The following PCDHGB3 variants were observed in gnomAD, a reference collection of about 807,000 sequenced individuals.
PCDHGB3 encodes protocadherin gamma subfamily B, 3.
In PCDHGB3, 40 loss-of-function variants were observed where a neutral mutation model predicts 59.2. The ratio of observed to expected loss-of-function variants is 0.68; its 90% CI spans 0.52 to 0.88. The LOEUF (loss-of-function observed/expected upper bound fraction) is 0.88. PCDHGB3 is among the 40% of genes least tolerant of loss of function. The pLI is 0.00. For missense variants in PCDHGB3, 1,309 were observed against 1,187.9 expected (o/e 1.10, Z -1.50); for synonymous variants, 581 against 503.6 (o/e 1.15, Z -2.06).
At chr5:141,459,670 T>A (rs890411975) in intron 1 of PCDHGB3, among the ~76,000 whole-genome samples, 4 of 152,264 alleles carry the variant, frequency 2.6e-5, no homozygotes, top group African/African-American at 9.6e-5. Context: ...TACATTTTCA[T>A]GAGCAATGCA....
At chr5:141,414,699 C>T (rs2095778847) in intron 1 of PCDHGB3, 2 of 1,613,952 alleles carry the variant, frequency 1.2e-6, no homozygotes, top group Non-Finnish European at 1.7e-6. Context: ...TGTCCTCATA[C>T]ATATCCATCA....
Position 141,491,417 on chromosome 5 carries a change from G to A in PCDHGB3, c.2416-3390G>A, listed in dbSNP as rs200843744. 5 of 1,613,988 alleles carry A rather than the reference G, an allele frequency of 3.1e-6. No homozygotes were observed. The highest frequency in any genetic ancestry group is 1.1e-5 in the South Asian group (1 of 91,092). Reference sequence around the variant, plus strand: ...CAGGGAAACGCAGACGGGGACGGGGGTGGAGGGCAGTGCTGCAGGCGCCAG... The same window carrying A: ...CAGGGAAACGCAGACGGGGACGGGGATGGAGGGCAGTGCTGCAGGCGCCAG... On this transcript the variant is annotated intron_variant, in intron 1 of 3. Transcript: ENST00000576222. The surrounding 1 kb of genome is among the most constrained non-coding windows in gnomAD (Gnocchi z 6.9).
At chr5:141,447,650 T>TC (rs1036312126) in intron 1 of PCDHGB3, among the ~76,000 whole-genome samples, 5 of 151,988 alleles carry the variant, frequency 3.3e-5, no homozygotes, top group Non-Finnish European at 5.9e-5. Context: ...GGTAGAATTT[T>TC]CCCCCCCAGG....
rs1022516458 is a variant in PCDHGB3, at chr5:141,476,612, A to G, written c.2416-18195A>G. The G allele has an allele frequency of 1.2e-6, 2 of 1,614,236 alleles. No individual in the cohort carries two copies. The highest frequency in any genetic ancestry group is 2.2e-5 in the South Asian group (2 of 91,080). ...GAGCGCGCACGATCCCGATGTGGGA[A>G]GCAACTCTTTACAAACCTATGAGCT... On this transcript the variant is annotated intron_variant, in intron 1 of 3. Transcript: ENST00000576222. The surrounding 1 kb of genome is among the most constrained non-coding windows in gnomAD (Gnocchi z 7.6).
At chr5:141,409,745 T>C (rs968473065) in intron 1 of PCDHGB3, 8 of 1,613,074 alleles carry the variant, frequency 5.0e-6, no homozygotes, top group Non-Finnish European at 6.8e-6. Context: ...CGGGGTGGTG[T>C]TCGCGCAGCG....
Position 141,491,964 on chromosome 5 carries a change from C to A in PCDHGB3, c.2416-2843C>A. On this transcript the variant is annotated intron_variant, in intron 1 of 3. Transcript: ENST00000576222. The surrounding 1 kb of genome is among the most constrained non-coding windows in gnomAD (Gnocchi z 6.9). ...CCCCACCCCTACACTCAAAAAAGGC[C>A]GGGGCCTCCTTCGAGCTTCCGGTGA... The A allele has an allele frequency of 1.1e-6, 1 of 943,952 alleles. No homozygotes were observed. The highest frequency in any genetic ancestry group is 1.5e-6 in the Non-Finnish European group (1 of 671,094). 58.5% of individuals were successfully genotyped at this position (943,952 alleles called of 1,614,324 possible). A position where few individuals can be genotyped will look rare whatever the true frequency, so the allele number is the denominator to read the frequency against.
rs1384790784 is a variant in PCDHGB3, at chr5:141,431,800, G to T, written c.2415+58991G>T. 1 of 1,614,206 alleles carries T rather than the reference G, an allele frequency of 6.2e-7. No individual in the cohort carries two copies. Among genetic ancestry groups the T allele is most frequent in the African/African-American group, 1.3e-5 (1 of 75,054 alleles). ...ACGTGAACGACAATGCCCCAGAAGT[G>T]GTCCTCACCTCTCTCGCCAGCTCGG... On this transcript the variant is annotated intron_variant, in intron 1 of 3. Transcript: ENST00000576222. This position sits in a 1 kb window ranked among gnomAD's most constrained non-coding sequence, Gnocchi z 4.8.
intron 3 of PCDHGB3, among the ~76,000 whole-genome samples, chr5:141,509,532 A>C (rs2099877210): frequency 6.6e-6 from 1 of 152,124 alleles, no homozygotes; most frequent in African/African-American, 2.4e-5. Flanking sequence ...GCACAGGATG[A>C]AGCACCATCT....
chr5:141,500,104 T>C (rs917633032), intron 2 of PCDHGB3, among the ~76,000 whole-genome samples: 1 of 152,124 alleles, frequency 6.6e-6, no homozygotes, highest in Non-Finnish European at 1.5e-5. Context: ...AATTTATTTG[T>C]TGAATCCCTG....
At chr5:141,448,710 G>T (rs897054829) in intron 1 of PCDHGB3, among the ~76,000 whole-genome samples, 1 of 152,162 alleles carries the variant, frequency 6.6e-6, no homozygotes, top group Non-Finnish European at 1.5e-5. Flanking sequence ...GGAGGCCGAG[G>T]CGGGAGGATC....
intron 1 of PCDHGB3, among the ~76,000 whole-genome samples, chr5:141,386,999 C>T (rs2090777000): frequency 6.6e-6 from 1 of 152,224 alleles, no homozygotes; most frequent in Middle Eastern, 3.4e-3. Context: ...GTATTATCCC[C>T]CTGATAACTT....
chr5:141,452,584 T>C (rs992607928), intron 1 of PCDHGB3, among the ~76,000 whole-genome samples: 1 of 152,182 alleles, frequency 6.6e-6, no homozygotes, highest in Non-Finnish European at 1.5e-5. Context: ...TTTCCATCTT[T>C]GTATTTTTAT....
rs754711722 is a variant in PCDHGB3, at chr5:141,371,108, C to A, written c.714C>A (p.Asn238Lys). Reference sequence around the variant, plus strand: ...TAATTGTCGCAGATGCAAATGATAACCCCCCAGTATTTACTCAGGACATGT... The same window carrying A: ...TAATTGTCGCAGATGCAAATGATAAACCCCCAGTATTTACTCAGGACATGT... ...IRVIVADANDNPPVFTQDMYR... is the reference protein window; with the variant it reads ...IRVIVADANDKPPVFTQDMYR... The change falls in exon 1 of 4, where the codon AAC becomes AAA. Residue 238 changes from asparagine (N) to lysine (K), a missense_variant. Physicochemically the swap from Asn to Lys is moderately conservative, Grantham distance 94. Coordinates refer to ENST00000576222, the MANE Select transcript of PCDHGB3 (RefSeq NM_018924.5). 12 of 1,613,642 alleles carry A rather than the reference C, an allele frequency of 7.4e-6. No individual in the cohort carries two copies. In the African/African-American group the frequency reaches 1.5e-4, roughly 20 times the overall value.
chr5:141,379,723 G>A (rs1250250274), intron 1 of PCDHGB3: 1 of 152,038 alleles, frequency 6.6e-6, no homozygotes, highest in Non-Finnish European at 1.5e-5. Context: ...CATGGAATTT[G>A]CTAAGTTATG....
Position 141,370,766 on chromosome 5 carries a change from G to C in PCDHGB3, c.372G>C (p.Gln124His), listed in dbSNP as rs1205087920. The change falls in exon 1 of 4, where the codon CAG (glutamine) becomes CAC (histidine). Residue 124 changes from glutamine to histidine, a missense_variant. Transcript: ENST00000576222. The part of the protein sequence containing the change: ...LNFFHVTVLI[Q>H]DINDNPPTFS... ...TTTTTCATGTAACTGTGCTGATCCA[G>C]GATATTAACGACAACCCACCGACCT... The C allele has an allele frequency of 1.9e-6, 3 of 1,613,834 alleles. No homozygotes were observed. In the African/African-American group the frequency reaches 4.0e-5, roughly 22 times the overall value.
At chr5:141,413,931 A>T (rs776911095) in intron 1 of PCDHGB3, 1 of 1,613,254 alleles carries the variant, frequency 6.2e-7, no homozygotes, top group Non-Finnish European at 8.5e-7. Flanking sequence ...CAGAATACCG[A>T]GTGAGTGTTC....
chr5:141,489,428 G>A lies in PCDHGB3; in HGVS notation c.2416-5379G>A, dbSNP rs561792279. The A allele has an allele frequency of 2.5e-5, 40 of 1,614,112 alleles. No homozygotes were observed. In the Middle Eastern group the frequency reaches 4.9e-4, roughly 20 times the overall value. ...AAGATGACAGATCTGTTGAGCCGGC[G>A]GCTGCAATTGGGCTCTGAGGAGAAT... On this transcript the variant is annotated intron_variant, in intron 1 of 3. Transcript: ENST00000576222. This position sits in a 1 kb window ranked among gnomAD's most constrained non-coding sequence, Gnocchi z 4.5.
In PCDHGB3 at chr5:141,383,840, T is replaced by C. The variant is rs190731749; in HGVS notation, c.2415+11031T>C. 1.9e-6 allele frequency: 3 copies of C among 1,613,952 alleles called. No homozygotes were observed. In the East Asian group the frequency reaches 6.7e-5, roughly 36 times the overall value. Reference sequence around the variant, plus strand: ...GGATTAGATTATGAAGAAACTGCCTTCTATGAAATGGAGGTTCAGGCTCAA... The same window carrying C: ...GGATTAGATTATGAAGAAACTGCCTCCTATGAAATGGAGGTTCAGGCTCAA... On this transcript the variant is annotated intron_variant, in intron 1 of 3. Transcript: ENST00000576222.
chr5:141,415,745 T>C, intron 1 of PCDHGB3: 1 of 517,922 alleles, frequency 1.9e-6, no homozygotes, highest in Non-Finnish European at 2.4e-6. Context: ...TTAAGGTTTT[T>C]TTTTTTTTTT....
Sources: allele counts gnomAD v4.1 joint callset (sites outside exome capture counted in the v4.1 genomes callset), GRCh38; gene constraint gnomAD v4.1.1; non-coding constraint Gnocchi (gnomAD v3.1); transcripts MANE v1.5; gene names NCBI Gene and HGNC (gene_info 2026-07-23, HGNC 2026-07-21).